Variants in FAM13A observed in about 807,000 individuals in gnomAD.
FAM13A encodes the protein protein FAM13A.
FAM13A carries 76 observed loss-of-function variants against 129.6 expected under a neutral mutation model. That is an observed-to-expected ratio of 0.59 (90% CI 0.49 to 0.71). The LOEUF is 0.71. FAM13A is among the 30% of genes least tolerant of loss of function. FAM13A has a pLI of 0.00. For synonymous variants in FAM13A, 443 were observed against 449.9 expected (o/e 0.98, Z 0.20); for missense variants, 1,108 against 1,249.3 (o/e 0.89, Z 1.70).
intron 19 of FAM13A, among the ~76,000 whole-genome samples, chr4:88,746,466 C>T (rs1371194516): frequency 2.6e-5 from 4 of 152,310 alleles, no homozygotes; most frequent in Admixed American, 6.5e-5. Flanking sequence ...TTTACAAACA[C>T]TAGTTGCACT....
chr4:88,942,804 A>G (rs534623577), intron 4 of FAM13A, among the ~76,000 whole-genome samples: 48 of 152,266 alleles, frequency 3.2e-4, no homozygotes, highest in African/African-American at 1.1e-3. Context: ...GTCTCCTTAC[A>G]AGGTGAAAAA....
intron 4 of FAM13A, among the ~76,000 whole-genome samples, chr4:88,943,929 T>C (rs1276387320): frequency 6.6e-6 from 1 of 152,190 alleles, no homozygotes; most frequent in Admixed American, 6.5e-5. Flanking sequence ...CTATCCATAG[T>C]TTACAGCAAT....
At chr4:88,740,888 G>T (rs189844072) in intron 19 of FAM13A, among the ~76,000 whole-genome samples, 2 of 152,266 alleles carry the variant, frequency 1.3e-5, no homozygotes, top group East Asian at 3.9e-4. Context: ...ATACCATGAG[G>T]AGTTTTATAA....
Position 88,974,866 on chromosome 4 carries a change from G to A in FAM13A, c.605+16107C>T, listed in dbSNP as rs73847208. 2.7e-3 allele frequency among the ~76,000 whole-genome samples: 411 copies of A among 152,254 alleles called. 1 individual carries two copies. The highest frequency in any genetic ancestry group is 9.4e-3 in the African/African-American group (389 of 41,534). The stretch of plus-strand genomic sequence containing the variant: ...AAATACAAGCTAGTTCTCGGGCATA[G>A]ACATTCATAGTCAGCACAGTTAGCA... On this transcript the variant is annotated intron_variant, in intron 4 of 23. Transcript: ENST00000264344.
chr4:88,920,955 T>A (rs376936462), intron 5 of FAM13A, among the ~76,000 whole-genome samples: 2 of 152,014 alleles, frequency 1.3e-5, no homozygotes, highest in East Asian at 3.9e-4. Context: ...GTATCAGTGA[T>A]GGAAGATGAA....
intron 6 of FAM13A, among the ~76,000 whole-genome samples, chr4:88,863,690 T>C (rs1183579661): frequency 6.6e-6 from 1 of 152,212 alleles, no homozygotes. Flanking sequence ...GACACCCAGT[T>C]CATGTCTGCA....
chr4:88,914,626 A>T (rs1256343026), intron 5 of FAM13A, among the ~76,000 whole-genome samples: 7 of 152,160 alleles, frequency 4.6e-5, no homozygotes, highest in Admixed American at 2.0e-4. Flanking sequence ...AACCTTATCT[A>T]AAGTGGCTCC....
intron 1 of FAM13A, among the ~76,000 whole-genome samples, chr4:89,056,621 T>A (rs1428847477): frequency 6.6e-6 from 1 of 152,198 alleles, no homozygotes; most frequent in Admixed American, 6.6e-5. Context: ...TAATGAAGCA[T>A]TCATGTTTAA....
chr4:88,785,757 C>CA (rs1340485322), intron 10 of FAM13A, among the ~76,000 whole-genome samples: 4 of 152,142 alleles, frequency 2.6e-5, no homozygotes, highest in African/African-American at 4.8e-5. Context: ...ATAAGGGTCT[C>CA]ACTCTTCCAA....
At chr4:88,760,523 G>A (rs1257511603) in intron 13 of FAM13A, among the ~76,000 whole-genome samples, 3 of 39,268 alleles carry the variant, frequency 7.6e-5, no homozygotes, top group African/African-American at 1.6e-4. Context: ...AGAATGGCGT[G>A]AACCCGGGAG....
chr4:88,796,296 A>T (rs1726164021), intron 8 of FAM13A, among the ~76,000 whole-genome samples: 1 of 151,834 alleles, frequency 6.6e-6, no homozygotes, highest in African/African-American at 2.4e-5. Context: ...TCATTGGTTG[A>T]TTGAAAGTTT....
At position 88,779,525 on chromosome 4, in the gene FAM13A, G is replaced by A. The variant is rs528148960; in HGVS notation, c.1458+1640C>T. On this transcript the variant is annotated intron_variant, in intron 11 of 23. Coordinates refer to ENST00000264344, the MANE Select transcript of FAM13A (RefSeq NM_014883.4). Reference sequence around the variant, plus strand: ...ATACCCTCACTTTACAGATGAGGAAGTTTTTCTTCTAAGTTGTATTGGCAG... The same window carrying A: ...ATACCCTCACTTTACAGATGAGGAAATTTTTCTTCTAAGTTGTATTGGCAG... Among the ~76,000 whole-genome samples, 57 of 152,276 alleles carry A rather than the reference G, an allele frequency of 3.7e-4. No homozygotes were observed. The South Asian group carries it at 7.9e-3, about 21-fold the overall frequency.
At chr4:88,906,700 A>C (rs1283287359) in intron 5 of FAM13A, among the ~76,000 whole-genome samples, 1 of 152,226 alleles carries the variant, frequency 6.6e-6, no homozygotes, top group Non-Finnish European at 1.5e-5. Flanking sequence ...ACATATATTC[A>C]GAGATGATCA....
At chr4:89,014,507 T>C (rs35916067) in intron 3 of FAM13A, among the ~76,000 whole-genome samples, 19,440 of 152,214 alleles carry the variant, frequency 0.13, 1,651 homozygotes, top group Middle Eastern at 0.25. Context: ...AACTTAACTA[T>C]TGTGGGAAGT....
At position 88,959,039 on chromosome 4, in the gene FAM13A, A is replaced by C. The variant is rs1758206393; in HGVS notation, c.606-20798T>G. On this transcript the variant is annotated intron_variant, in intron 4 of 23. Coordinates refer to ENST00000264344, the MANE Select transcript of FAM13A (RefSeq NM_014883.4). ...TGCTTTTGGTTGATTTTTCCCATTT[A>C]GAATGGTAGTGTTTACCTAATGCAT... 2.0e-5 allele frequency among the ~76,000 whole-genome samples: 3 copies of C among 152,206 alleles called. No individual in the cohort carries two copies. The South Asian group carries it at 6.2e-4, about 32-fold the overall frequency.
In FAM13A at chr4:88,728,610, A is replaced by G; in HGVS notation, c.2995T>C (p.Tyr999His). The G allele has an allele frequency of 6.2e-7, 1 of 1,614,152 alleles. No homozygotes were observed. The highest frequency in any genetic ancestry group is 1.1e-5 in the South Asian group (1 of 91,080). The change falls in exon 24 of 24, where the codon TAT (tyrosine) becomes CAT (histidine). Residue 999 changes from tyrosine to histidine, a missense_variant. Tyr to His is a moderately conservative substitution (Grantham distance 83, BLOSUM62 2). Around this residue, in one of 3 missense-constraint regions of FAM13A, gnomAD observed 529 missense variants for 621.2 expected, o/e 0.85. Coordinates refer to ENST00000264344, the MANE Select transcript of FAM13A (RefSeq NM_014883.4). Reference protein sequence around the residue: ...RTPMAEEYSEYKHIKAKLRLL... With the variant: ...RTPMAEEYSEHKHIKAKLRLL... ...CTCAGTTTCGCCTTTATGTGCTTAT[A>G]TTCACTGTATTCTTCAGCCATAGGA...
intron 6 of FAM13A, among the ~76,000 whole-genome samples, chr4:88,883,215 C>G (rs1393310786): frequency 6.6e-6 from 1 of 152,074 alleles, no homozygotes; most frequent in Non-Finnish European, 1.5e-5. Flanking sequence ...AATATACATT[C>G]TATTCATCAA....
chr4:89,040,245 T>C (rs1769935702), intron 1 of FAM13A, among the ~76,000 whole-genome samples: 1 of 152,160 alleles, frequency 6.6e-6, no homozygotes, highest in Non-Finnish European at 1.5e-5. Context: ...TATACAAACA[T>C]ACAAAGAGAC....
At chr4:88,782,417 T>A (rs1181522744) in intron 10 of FAM13A, among the ~76,000 whole-genome samples, 1 of 152,126 alleles carries the variant, frequency 6.6e-6, no homozygotes, top group African/African-American at 2.4e-5. Flanking sequence ...TGAGTTAATG[T>A]ACCTCCCTAA....
Sources: allele counts gnomAD v4.1 joint callset (sites outside exome capture counted in the v4.1 genomes callset), GRCh38; gene constraint gnomAD v4.1.1; regional missense constraint gnomAD v4.1.1; transcripts MANE v1.5; gene names NCBI Gene and HGNC (gene_info 2026-07-23, HGNC 2026-07-21).